FUT8: variants seen among roughly 807,000 people sequenced by gnomAD.
The protein encoded by FUT8 is alpha-(1,6)-fucosyltransferase.
Under a neutral mutation model 71.3 loss-of-function variants are expected in FUT8, and 29 were observed. That is an observed-to-expected ratio of 0.41 (90% CI 0.30 to 0.55). FUT8 has a LOEUF of 0.55. FUT8 is among the 20% of genes least tolerant of loss of function. FUT8 has a pLI of 0.34. For synonymous variants in FUT8, 254 were observed against 239.3 expected (o/e 1.06, Z -0.57); for missense variants, 544 against 702.1 (o/e 0.77, Z 2.55).
intron 2 of FUT8, among the ~76,000 whole-genome samples, chr14:65,480,975 C>G (rs1294818069): frequency 6.6e-6 from 1 of 152,110 alleles, no homozygotes; most frequent in Non-Finnish European, 1.5e-5. Flanking sequence ...TAGGCATGAC[C>G]ATCGTTTTCA....
At chr14:65,682,279 G>T (rs1893073823) in intron 7 of FUT8, among the ~76,000 whole-genome samples, 1 of 152,222 alleles carries the variant, frequency 6.6e-6, no homozygotes, top group Non-Finnish European at 1.5e-5. Context: ...GATGCAGGAG[G>T]ATCGCTTCAG....
the FUT8 span, among the ~76,000 whole-genome samples, chr14:65,391,442 G>GC: frequency 2.0e-5 from 3 of 152,054 alleles, no homozygotes; most frequent in Non-Finnish European, 4.4e-5. Context: ...TGAAACCTCT[G>GC]CCCCCCAGGT....
chr14:65,410,988 C>T (rs1328624266), upstream of FUT8: 1 of 152,102 alleles, frequency 6.6e-6, no homozygotes, highest in Non-Finnish European at 1.5e-5. Context: ...TCCACCCCAC[C>T]TCTGACTTCT....
chr14:65,573,242 G>T (rs568518944), intron 3 of FUT8, among the ~76,000 whole-genome samples: 13 of 152,006 alleles, frequency 8.6e-5, no homozygotes, highest in Non-Finnish European at 1.6e-4. Flanking sequence ...CAACAAAGAT[G>T]GTTCAGATGG....
At chr14:65,578,681 A>G in intron 3 of FUT8, among the ~76,000 whole-genome samples, 1 of 152,312 alleles carries the variant, frequency 6.6e-6, no homozygotes, top group Non-Finnish European at 1.5e-5. Context: ...TAGATAACAT[A>G]ATGAAATAAA....
At chr14:65,735,724 C>T (rs1026943326) in intron 10 of FUT8, among the ~76,000 whole-genome samples, 1 of 152,112 alleles carries the variant, frequency 6.6e-6, no homozygotes, top group Non-Finnish European at 1.5e-5. Context: ...TATTTGATGA[C>T]TAACCGCTGT....
intron 7 of FUT8, among the ~76,000 whole-genome samples, chr14:65,715,105 C>T (rs140936924): frequency 6.6e-6 from 1 of 152,294 alleles, no homozygotes; most frequent in African/African-American, 2.4e-5. Flanking sequence ...CTAGAACTTC[C>T]AGTACTGTGT....
chr14:65,549,297 A>C (rs1885150606), intron 2 of FUT8, among the ~76,000 whole-genome samples: 1 of 151,574 alleles, frequency 6.6e-6, no homozygotes, highest in African/African-American at 2.4e-5. Flanking sequence ...ACTGAATAAC[A>C]AAGTGTAGTT....
chr14:65,469,482 G>A (rs547345991), intron 2 of FUT8, among the ~76,000 whole-genome samples: 1 of 144,790 alleles, frequency 6.9e-6, no homozygotes, highest in Non-Finnish European at 1.6e-5. Flanking sequence ...TTGCTTTTCT[G>A]TCTAGAAACC....
rs992363033 is a variant in FUT8, at chr14:65,413,304, C to T, written c.-326+90C>T. ...GATCTGAGGAGGCTCCGCGGCTGTCCCTGCTCGTTCACCCGGGCCTGTTGC... is the reference window on the plus strand; with the variant it reads ...GATCTGAGGAGGCTCCGCGGCTGTCTCTGCTCGTTCACCCGGGCCTGTTGC... On this transcript the variant is annotated intron_variant, in intron 1 of 10. Coordinates refer to ENST00000673929, the MANE Select transcript of FUT8 (RefSeq NM_001371533.1). The surrounding 1 kb of genome is among the most constrained non-coding windows in gnomAD (Gnocchi z 4.1). 2.0e-5 allele frequency: 3 copies of T among 152,328 alleles called. No individual in the cohort carries two copies. Among genetic ancestry groups the T allele is most frequent in the African/African-American group, 7.2e-5 (3 of 41,446 alleles). The allele number at this position is 152,328 out of a possible 1,614,324, so 9.4% of individuals were successfully genotyped here. A position where few individuals can be genotyped will look rare whatever the true frequency, so the allele number is the denominator to read the frequency against.
the FUT8 span, among the ~76,000 whole-genome samples, chr14:65,389,971 T>C: frequency 6.6e-6 from 1 of 150,650 alleles, no homozygotes; most frequent in African/African-American, 2.4e-5. Context: ...TGAAACCCCG[T>C]CTCTACTAAA....
At position 65,461,377 on chromosome 14, in the gene FUT8, AC is replaced by A. The variant is rs546836302; in HGVS notation, c.-228+5662del. On this transcript the variant is annotated intron_variant, in intron 2 of 10. Transcript: ENST00000673929. ...TATCAACTTGATTATATCTGCATAG[AC>A]CCTATTTCTAGCCGTTACACATTTT... 2.1e-3 allele frequency among the ~76,000 whole-genome samples: 312 copies of A among 152,092 alleles called. 1 individual carries two copies. The highest frequency in any genetic ancestry group is 3.4e-3 in the Middle Eastern group (1 of 294).
chr14:65,730,821 TA>T (rs1895944554), intron 9 of FUT8, among the ~76,000 whole-genome samples: 1 of 152,226 alleles, frequency 6.6e-6, no homozygotes, highest in Non-Finnish European at 1.5e-5. Context: ...TAAGAACTAT[TA>T]AAGTTGGCTA....
chr14:65,702,360 A>G (rs1351344421), intron 7 of FUT8, among the ~76,000 whole-genome samples: 1 of 151,034 alleles, frequency 6.6e-6, no homozygotes, highest in African/African-American at 2.4e-5. Flanking sequence ...AAAAAAAAAA[A>G]GGGAACAAGA....
chr14:65,455,361 G>A (rs1309452290), intron 1 of FUT8, among the ~76,000 whole-genome samples: 1 of 152,146 alleles, frequency 6.6e-6, no homozygotes, highest in African/African-American at 2.4e-5. Context: ...TTATATGAGC[G>A]CTAACTTATT....
intron 1 of FUT8, among the ~76,000 whole-genome samples, chr14:65,449,662 A>G (rs1233951832): frequency 1.3e-5 from 2 of 152,216 alleles, no homozygotes; most frequent in African/African-American, 4.8e-5. Context: ...CATGAGCAGC[A>G]TACCCCATAC....
chr14:65,550,816 TATAAA>T lies in FUT8; in HGVS notation c.-227-10517_-227-10513del, dbSNP rs1212904790. Among the ~76,000 whole-genome samples the T allele has an allele frequency of 1.1e-4, 16 of 152,244 alleles. No homozygotes were observed. The highest frequency in any genetic ancestry group is 1.0e-3 in the Admixed American group (16 of 15,274). ...ATTTTCCTTCTTGTTGGCATCATAGTATAAAATACATATTTTTGGCAAAGTAATTA... is the reference window on the plus strand; with the variant it reads ...ATTTTCCTTCTTGTTGGCATCATAGTATACATATTTTTGGCAAAGTAATTA... On this transcript the variant is annotated intron_variant, in intron 2 of 10. Transcript: ENST00000673929. The surrounding 1 kb of genome is among the most constrained non-coding windows in gnomAD (Gnocchi z 4.5).
In FUT8 at chr14:65,643,260, T is replaced by A. The variant is rs532826662; in HGVS notation, c.597+13654T>A. ...ATATTTTTATATATTCAAATTCTCTTAATTATCAATAATAAAAGGCTTTCA... is the reference window on the plus strand; with the variant it reads ...ATATTTTTATATATTCAAATTCTCTAAATTATCAATAATAAAAGGCTTTCA... On this transcript the variant is annotated intron_variant, in intron 6 of 10. Transcript: ENST00000673929. The surrounding 1 kb of genome is among the most constrained non-coding windows in gnomAD (Gnocchi z 4.5). 6.6e-6 allele frequency among the ~76,000 whole-genome samples: 1 copy of A among 152,194 alleles called. No individual in the cohort carries two copies. The highest frequency in any genetic ancestry group is 2.1e-4 in the South Asian group (1 of 4,834).
At chr14:65,408,655 T>C (rs2065096281), upstream of FUT8, among the ~76,000 whole-genome samples, 1 of 152,204 alleles carries the variant, frequency 6.6e-6, no homozygotes, top group African/African-American at 2.4e-5. Flanking sequence ...TGCTGCTTTA[T>C]CCCAGTGGAG....
Sources: allele counts gnomAD v4.1 joint callset (sites outside exome capture counted in the v4.1 genomes callset), GRCh38; gene constraint gnomAD v4.1.1; non-coding constraint Gnocchi (gnomAD v3.1); transcripts MANE v1.5; gene names NCBI Gene and HGNC (gene_info 2026-07-23, HGNC 2026-07-21).